The following PRRX1 variants were observed in gnomAD, a reference collection of about 807,000 sequenced individuals.
PRRX1 encodes paired mesoderm homeobox protein 1.
A neutral mutation model predicts 24.0 loss-of-function variants in PRRX1; 8 were observed. That is an observed-to-expected ratio of 0.33 (90% CI 0.20 to 0.60). PRRX1 has a LOEUF of 0.60. Among genes scored for constraint, PRRX1 ranks in the 20% least tolerant of loss-of-function variants. The probability of loss-of-function intolerance (pLI) is 0.82; values close to 1 mark genes in which losing one functional copy is unlikely to be tolerated. For synonymous variants in PRRX1, 160 were observed against 131.7 expected (o/e 1.22, Z -1.47); for missense variants, 281 against 322.4 (o/e 0.87, Z 0.98).
intron 1 of PRRX1, among the ~76,000 whole-genome samples, chr1:170,717,436 A>G (rs1380661969): frequency 1.3e-5 from 2 of 152,262 alleles, no homozygotes; most frequent in Non-Finnish European, 2.9e-5. Context: ...GGCTTTTGAA[A>G]CAACATAAAA....
intron 1 of PRRX1, among the ~76,000 whole-genome samples, chr1:170,702,091 C>A (rs958041968): frequency 3.9e-5 from 6 of 152,248 alleles, no homozygotes; most frequent in Non-Finnish European, 8.8e-5. Flanking sequence ...TCATAAGGAA[C>A]CTGCAACCTA....
chr1:170,727,673 T>A (rs1408764483), intron 3 of PRRX1: 1 of 152,192 alleles, frequency 6.6e-6, no homozygotes, highest in African/African-American at 2.4e-5. Context: ...TAAATGCACT[T>A]GGAAATTTGT....
At chr1:170,725,254 C>G (rs144792925) in intron 2 of PRRX1, among the ~76,000 whole-genome samples, 1 of 152,058 alleles carries the variant, frequency 6.6e-6, no homozygotes, top group African/African-American at 2.4e-5. Flanking sequence ...ATGTAGCAAA[C>G]CTGCACATCC....
intron 3 of PRRX1, 187 bp downstream of exon 3, chr1:170,726,588 G>A (rs568727241): frequency 1.6e-4 from 107 of 672,104 alleles, no homozygotes; most frequent in Admixed American, 5.6e-4. Context: ...AGGGTTTGGG[G>A]CAGAAGTGAG....
Position 170,717,800 on chromosome 1 carries a change from T to C in PRRX1, c.242-1926T>C, listed in dbSNP as rs564944857. On this transcript the variant is annotated intron_variant, in intron 1 of 3. Transcript: ENST00000239461. ...CAAGTGCAATGTAACTACTGAAAGG[T>C]ATTTAATCCTAGGTGTTTGAATTCT... Among the ~76,000 whole-genome samples the C allele has an allele frequency of 2.6e-5, 4 of 152,348 alleles. No homozygotes were observed. The East Asian group carries it at 7.7e-4, about 29-fold the overall frequency.
At chr1:170,717,671 G>A (rs1201140537) in intron 1 of PRRX1, among the ~76,000 whole-genome samples, 1 of 151,832 alleles carries the variant, frequency 6.6e-6, no homozygotes, top group Non-Finnish European at 1.5e-5. Context: ...GCTATCACAA[G>A]GGCTTGTATT....
intron 3 of PRRX1, among the ~76,000 whole-genome samples, chr1:170,732,049 C>T (rs1413235718): frequency 1.3e-5 from 2 of 152,180 alleles, no homozygotes; most frequent in African/African-American, 2.4e-5. Context: ...GAAGGCAAGA[C>T]CAACAGGCAG....
Position 170,673,495 on chromosome 1 carries a change from C to T in PRRX1, c.241+9036C>T, listed in dbSNP as rs139647106. 2.0e-5 allele frequency among the ~76,000 whole-genome samples: 3 copies of T among 152,262 alleles called. No individual in the cohort carries two copies. In the East Asian group the frequency reaches 5.8e-4, roughly 29 times the overall value. Reference sequence around the variant, plus strand: ...TTACCCTCCCCTTCCCATTTCATACCTTTTGCCTAGGAGTTATCTTCTAGG... The same window carrying T: ...TTACCCTCCCCTTCCCATTTCATACTTTTTGCCTAGGAGTTATCTTCTAGG... On this transcript the variant is annotated intron_variant, in intron 1 of 3. Transcript: ENST00000239461.
intron 1 of PRRX1, among the ~76,000 whole-genome samples, chr1:170,691,546 C>T (rs1034382183): frequency 6.8e-6 from 1 of 147,088 alleles, no homozygotes; most frequent in African/African-American, 2.5e-5. Context: ...TTCCTTCCTT[C>T]CTCCCTCCCT....
Position 170,664,190 on chromosome 1 carries a change from G to T in PRRX1, c.-29G>T, listed in dbSNP as rs375142985. On this transcript the variant is annotated 5_prime_UTR_variant, in exon 1 of 4. Coordinates refer to ENST00000239461, the MANE Select transcript of PRRX1 (RefSeq NM_022716.4). ...TTGGTGTTGATTCGAGCGGGAAGAG[G>T]GGGGTGGGTGGGATCGGTGGGGGAG... 1.1e-5 allele frequency: 17 copies of T among 1,598,510 alleles called. No homozygotes were observed. In the African/African-American group the frequency reaches 2.0e-4, roughly 19 times the overall value.
intron 2 of PRRX1, chr1:170,722,650 C>T (rs1209153759): frequency 6.6e-6 from 1 of 152,062 alleles, no homozygotes; most frequent in East Asian, 1.9e-4. Context: ...AATTCTGGGC[C>T]AATTCTCAAA....
chr1:170,702,868 G>A (rs1654435225), intron 1 of PRRX1, among the ~76,000 whole-genome samples: 1 of 152,160 alleles, frequency 6.6e-6, no homozygotes, highest in Non-Finnish European at 1.5e-5. Context: ...TGAAATGGAT[G>A]GGTAGATCTA....
At chr1:170,695,473 G>A (rs1013891493) in intron 1 of PRRX1, among the ~76,000 whole-genome samples, 1 of 152,082 alleles carries the variant, frequency 6.6e-6, no homozygotes, top group Non-Finnish European at 1.5e-5. Flanking sequence ...GTTGACATAC[G>A]CTTGGTGGAA....
chr1:170,671,930 G>C (rs1653157557), intron 1 of PRRX1, among the ~76,000 whole-genome samples: 1 of 152,186 alleles, frequency 6.6e-6, no homozygotes, highest in South Asian at 2.1e-4. Flanking sequence ...CTGAGAAATG[G>C]AGAAGTGGCT....
chr1:170,669,925 T>C (rs1653091005), intron 1 of PRRX1, among the ~76,000 whole-genome samples: 1 of 152,236 alleles, frequency 6.6e-6, no homozygotes, highest in South Asian at 2.1e-4. Context: ...GCATTTCGCT[T>C]ATTTTTCTAC....
chr1:170,692,201 A>G (rs1272291678), intron 1 of PRRX1, among the ~76,000 whole-genome samples: 1 of 152,144 alleles, frequency 6.6e-6, no homozygotes, highest in Non-Finnish European at 1.5e-5. Context: ...TCCAGGAAAA[A>G]TATACATTTG....
chr1:170,692,264 T>G (rs750415925), intron 1 of PRRX1, among the ~76,000 whole-genome samples: 22 of 152,120 alleles, frequency 1.4e-4, no homozygotes, highest in Non-Finnish European at 2.5e-4. Flanking sequence ...ATAACTGACA[T>G]AAATCCTTAT....
intron 1 of PRRX1, among the ~76,000 whole-genome samples, chr1:170,710,935 G>A (rs1469052827): frequency 4.6e-5 from 7 of 152,170 alleles, no homozygotes; most frequent in African/African-American, 1.4e-4. Flanking sequence ...TTGGCAGCCT[G>A]AGCTGACTAA....
At chr1:170,714,275 G>A (rs1209371463) in intron 1 of PRRX1, among the ~76,000 whole-genome samples, 1 of 152,144 alleles carries the variant, frequency 6.6e-6, no homozygotes, top group African/African-American at 2.4e-5. Flanking sequence ...TTTTCCAAAG[G>A]TTACGGGGCC....
Sources: gnomAD v4.1 joint callset for allele counts (sites outside exome capture counted in the v4.1 genomes callset) on GRCh38, gnomAD v4.1.1 for gene constraint, MANE v1.5 for transcripts, NCBI Gene and HGNC (gene_info 2026-07-23, HGNC 2026-07-21) for gene names.